CCDC88C: variants seen among roughly 807,000 people sequenced by gnomAD.
CCDC88C encodes the protein coiled-coil and HOOK domain protein 88C, also known as protein Daple.
A neutral mutation model predicts 198.8 loss-of-function variants in CCDC88C; 131 were observed. The ratio of observed to expected loss-of-function variants is 0.66; its 90% CI spans 0.57 to 0.76. The LOEUF (loss-of-function observed/expected upper bound fraction) is 0.76, where lower values mean the gene tolerates loss of function less well. Ranked by LOEUF, CCDC88C falls within the 30% of genes least tolerant of loss-of-function variation. The pLI is 0.00. For missense variants in CCDC88C, 2,553 were observed against 2,631.6 expected, an observed-to-expected ratio of 0.97 and a Z score of 0.65; for synonymous variants, 1,166 against 1,114.7, an observed-to-expected ratio of 1.05 and a Z score of -0.92.
chr14:91,317,715 G>A (rs1892161882), intron 13 of CCDC88C, among the ~76,000 whole-genome samples: 1 of 152,220 alleles, frequency 6.6e-6, no homozygotes, highest in East Asian at 1.9e-4. Flanking sequence ...CCTCCCTTCC[G>A]GCGCCCCCAC....
At chr14:91,318,355 G>T (rs982972952) in intron 13 of CCDC88C, among the ~76,000 whole-genome samples, 2 of 152,112 alleles carry the variant, frequency 1.3e-5, no homozygotes, top group Non-Finnish European at 2.9e-5. Flanking sequence ...GGTCAAATCT[G>T]CAGTGAGCCA....
intron 29 of CCDC88C, among the ~76,000 whole-genome samples, chr14:91,274,278 A>C (rs1889867223): frequency 6.6e-6 from 1 of 152,192 alleles, no homozygotes; most frequent in South Asian, 2.1e-4. Context: ...GTGGGGCTGC[A>C]CAGGGAAATG....
intron 3 of CCDC88C, among the ~76,000 whole-genome samples, chr14:91,391,393 C>T (rs1347138980): frequency 6.6e-6 from 1 of 152,142 alleles, no homozygotes; most frequent in African/African-American, 2.4e-5. Flanking sequence ...TGCAACCATC[C>T]CCACCATCCA....
At chr14:91,326,854 C>T (rs1014903764) in intron 10 of CCDC88C, among the ~76,000 whole-genome samples, 16 of 152,182 alleles carry the variant, frequency 1.1e-4, no homozygotes, top group Admixed American at 3.9e-4. Flanking sequence ...AAGTTCTTGG[C>T]AGTTTCCTGG....
At position 91,303,919 on chromosome 14, in the gene CCDC88C, C is replaced by T; in HGVS notation, c.3417G>A (p.Leu1139=). 3 of 1,612,124 alleles carry T rather than the reference C, an allele frequency of 1.9e-6. No homozygotes were observed. The highest frequency in any genetic ancestry group is 2.5e-6 in the Non-Finnish European group (3 of 1,179,878). Residue 1139 remains leucine, a synonymous_variant, in exon 20 of 30, where the codon CTG becomes CTA. Coordinates refer to ENST00000389857, the MANE Select transcript of CCDC88C (RefSeq NM_001080414.4). ...SAALTAQYTL[L]QNHHTAKETE... ...TCTCCTTGGCCGTGTGGTGGTTCTGCAGCAGCGTGTACTGCGCGGTGAGCG... is the reference window on the plus strand; with the variant it reads ...TCTCCTTGGCCGTGTGGTGGTTCTGTAGCAGCGTGTACTGCGCGGTGAGCG...
chr14:91,390,833 C>T (rs1464715708), intron 3 of CCDC88C, among the ~76,000 whole-genome samples: 1 of 152,138 alleles, frequency 6.6e-6, no homozygotes, highest in Non-Finnish European at 1.5e-5. Flanking sequence ...CTATCAGAAC[C>T]AGAGAGCGCA....
chr14:91,386,056 G>A (rs1475112323), intron 3 of CCDC88C, among the ~76,000 whole-genome samples: 3 of 152,206 alleles, frequency 2.0e-5, no homozygotes, highest in Non-Finnish European at 4.4e-5. Context: ...TTACCTATCT[G>A]TAAAATGGGG....
At chr14:91,308,244 C>G in intron 17 of CCDC88C, 107 bp downstream of exon 17, 1 of 1,348,476 alleles carries the variant, frequency 7.4e-7, no homozygotes, top group Non-Finnish European at 1.0e-6. Flanking sequence ...TACCCCTGCC[C>G]TAGAAAATGG....
chr14:91,417,526 C>G (rs1162006995), intron 1 of CCDC88C, 105 bp downstream of exon 1: 3 of 1,047,098 alleles, frequency 2.9e-6, no homozygotes, highest in East Asian at 3.0e-5. Context: ...CCTCGCGCCC[C>G]GGAGCCACCC....
chr14:91,375,995 C>G (rs1426195254), intron 3 of CCDC88C, among the ~76,000 whole-genome samples: 1 of 152,206 alleles, frequency 6.6e-6, no homozygotes. Flanking sequence ...CGTAGACCTT[C>G]CAGCCCCGCG....
At chr14:91,383,262 A>G (rs1340278327) in intron 3 of CCDC88C, among the ~76,000 whole-genome samples, 1 of 152,206 alleles carries the variant, frequency 6.6e-6, no homozygotes, top group African/African-American at 2.4e-5. Context: ...AATCCGTTCC[A>G]CAGAACGGCT....
chr14:91,318,873 T>G (rs1892222833), intron 13 of CCDC88C, among the ~76,000 whole-genome samples: 1 of 134,270 alleles, frequency 7.4e-6, no homozygotes, highest in Admixed American at 9.0e-5. Context: ...AAGCTGAGAT[T>G]GCACCACTGC....
rs146520375 is a variant in CCDC88C, at chr14:91,416,263, G to A, written c.161+475C>T. 1.8e-3 allele frequency among the ~76,000 whole-genome samples: 267 copies of A among 152,114 alleles called. 4 individuals are homozygous for A. Among genetic ancestry groups the A allele is most frequent in the African/African-American group, 6.0e-3 (249 of 41,488 alleles). On this transcript the variant is annotated intron_variant, in intron 2 of 29. Coordinates refer to ENST00000389857, the MANE Select transcript of CCDC88C (RefSeq NM_001080414.4). The stretch of plus-strand genomic sequence containing the variant: ...ACTTAATGAATTGCACTTGCTTTGG[G>A]GCAACTGAAAAAGGAAGATGAAATG...
chr14:91,397,148 G>A (rs988484825), intron 3 of CCDC88C, among the ~76,000 whole-genome samples: 1 of 152,106 alleles, frequency 6.6e-6, no homozygotes, highest in African/African-American at 2.4e-5. Flanking sequence ...GGGAAGTCCC[G>A]ATGTGTCAAT....
intron 3 of CCDC88C, among the ~76,000 whole-genome samples, chr14:91,403,005 T>G (rs969302175): frequency 6.6e-6 from 1 of 152,042 alleles, no homozygotes; most frequent in African/African-American, 2.4e-5. Context: ...GATCGTAAAC[T>G]CTAAATCTCC....
chr14:91,281,235 G>C, intron 27 of CCDC88C: 2 of 1,219,410 alleles, frequency 1.6e-6, no homozygotes, highest in South Asian at 2.6e-5. Flanking sequence ...GGTGCTTCCA[G>C]AACTGTGATG....
At chr14:91,294,459 G>C in intron 22 of CCDC88C, 141 bp from the exon 23 acceptor site, 1 of 921,252 alleles carries the variant, frequency 1.1e-6, no homozygotes, top group Non-Finnish European at 1.6e-6. Context: ...CTTGGAAAGG[G>C]CCAAACGGCC....
In CCDC88C at chr14:91,406,514, A is replaced by T. The variant is rs574931108; in HGVS notation, c.270+2145T>A. ...AAACTGGAAACTCAGTTGCCCACTG[A>T]AACTCCACTCAGGTATCACCTCCTC... is the stretch of plus-strand genomic sequence containing the variant. On this transcript the variant is annotated intron_variant, in intron 3 of 29. Coordinates refer to ENST00000389857, the MANE Select transcript of CCDC88C (RefSeq NM_001080414.4). Among the ~76,000 whole-genome samples the T allele has an allele frequency of 1.6e-3, 241 of 152,290 alleles. 1 individual carries two copies. Among genetic ancestry groups the T allele is most frequent in the African/African-American group, 5.7e-3 (235 of 41,568 alleles).
intron 13 of CCDC88C, among the ~76,000 whole-genome samples, chr14:91,317,288 C>T (rs895119570): frequency 3.3e-5 from 5 of 152,216 alleles, no homozygotes; most frequent in Non-Finnish European, 7.3e-5. Context: ...GCAGCCTGGG[C>T]TACATTCGGG....
Sources: gnomAD v4.1 joint callset for allele counts (sites outside exome capture counted in the v4.1 genomes callset) on GRCh38, gnomAD v4.1.1 for gene constraint, MANE v1.5 for transcripts, NCBI Gene and HGNC (gene_info 2026-07-23, HGNC 2026-07-21) for gene names.